Variants in ATXN1 observed in about 807,000 individuals in gnomAD.
ATXN1 encodes ataxin-1.
Under a neutral mutation model 56.4 loss-of-function variants are expected in ATXN1, and 8 were observed. The ratio of observed to expected loss-of-function variants is 0.14; its 90% CI spans 0.08 to 0.26. ATXN1 has a LOEUF of 0.26. ATXN1 is among the 10% of genes least tolerant of loss of function. The pLI, the probability that ATXN1 is intolerant of heterozygous loss-of-function variation, is 1.00. For synonymous variants in ATXN1, 514 were observed against 494.6 expected (o/e 1.04, Z -0.52); for missense variants, 987 against 1,106.5 (o/e 0.89, Z 1.53).
intron 3 of ATXN1, among the ~76,000 whole-genome samples, chr6:16,625,090 C>T (rs1431240620): frequency 6.6e-6 from 1 of 152,204 alleles, no homozygotes; most frequent in East Asian, 1.9e-4. Flanking sequence ...TGATGCCATC[C>T]TTATGCCTAG....
At chr6:16,499,800 G>C (rs113704812) in intron 5 of ATXN1, among the ~76,000 whole-genome samples, 2 of 152,344 alleles carry the variant, frequency 1.3e-5, no homozygotes, top group Admixed American at 6.5e-5. Flanking sequence ...GTAGGTTGTA[G>C]AATTCTGGCT....
At chr6:16,411,260 T>TCAA (rs1758793768) in intron 6 of ATXN1, among the ~76,000 whole-genome samples, 2 of 151,980 alleles carry the variant, frequency 1.3e-5, no homozygotes, top group Admixed American at 6.6e-5. Context: ...TTATGCATAA[T>TCAA]TAATAATAAT....
chr6:16,458,003 C>A (rs1049255094), intron 6 of ATXN1, among the ~76,000 whole-genome samples: 1 of 152,178 alleles, frequency 6.6e-6, no homozygotes, highest in Non-Finnish European at 1.5e-5. Context: ...TATAGATGTC[C>A]TACAGGGTCC....
In ATXN1 at chr6:16,430,957, T is replaced by C. The variant is rs180869174; in HGVS notation, c.-161+55015A>G. Among the ~76,000 whole-genome samples the C allele has an allele frequency of 2.2e-3, 342 of 152,268 alleles. 1 individual carries two copies. Among genetic ancestry groups the C allele is most frequent in the Admixed American group, 5.8e-3 (88 of 15,290 alleles). Reference sequence around the variant, plus strand: ...GGGAGAAATGTGAATGCATTTGAGATTTTTTTGTTGTTCTTTCTTGGCAGT... The same window carrying C: ...GGGAGAAATGTGAATGCATTTGAGACTTTTTTGTTGTTCTTTCTTGGCAGT... On this transcript the variant is annotated intron_variant, in intron 6 of 7. Transcript: ENST00000436367.
intron 6 of ATXN1, among the ~76,000 whole-genome samples, chr6:16,377,585 A>T (rs367736318): frequency 2.6e-5 from 4 of 152,078 alleles, no homozygotes; most frequent in African/African-American, 9.7e-5. Context: ...AGAAACCATC[A>T]CAGCTCACTG....
intron 7 of ATXN1, among the ~76,000 whole-genome samples, chr6:16,320,557 A>G (rs913363339): frequency 6.6e-6 from 1 of 152,242 alleles, no homozygotes; most frequent in Non-Finnish European, 1.5e-5. Context: ...GAACCTAGGA[A>G]GGGTGAGACA....
chr6:16,505,366 G>C (rs1760964092), intron 5 of ATXN1, among the ~76,000 whole-genome samples: 1 of 152,166 alleles, frequency 6.6e-6, no homozygotes, highest in Non-Finnish European at 1.5e-5. Context: ...CCCTTATTAG[G>C]TGGGCTCAGG....
intron 2 of ATXN1, among the ~76,000 whole-genome samples, chr6:16,658,928 T>C (rs370989154): frequency 6.6e-6 from 1 of 152,220 alleles, no homozygotes; most frequent in East Asian, 1.9e-4. Context: ...AGTGACCAAG[T>C]TGTAAGAAAG....
Position 16,591,574 on chromosome 6 carries a change from T to G in ATXN1, c.-488-5667A>C, listed in dbSNP as rs185964619. ...ATGTCCTCATTCATTCAAGCATTGC[T>G]CTTCCTTTAAGATTCAGCTCGATGT... is the stretch of plus-strand genomic sequence containing the variant. On this transcript the variant is annotated intron_variant, in intron 3 of 7. Coordinates refer to ENST00000436367, the MANE Select transcript of ATXN1 (RefSeq NM_001128164.2). 2.6e-3 allele frequency among the ~76,000 whole-genome samples: 398 copies of G among 152,310 alleles called. 1 individual carries two copies. Among genetic ancestry groups the G allele is most frequent in the Admixed American group, 7.0e-3 (107 of 15,296 alleles).
intron 6 of ATXN1, among the ~76,000 whole-genome samples, chr6:16,429,871 G>A (rs1239928395): frequency 2.0e-5 from 3 of 152,182 alleles, no homozygotes; most frequent in African/African-American, 7.2e-5. Flanking sequence ...TGAAGATCAC[G>A]TGGTGACTGT....
At chr6:16,634,629 A>G (rs1232735113) in intron 3 of ATXN1, among the ~76,000 whole-genome samples, 1 of 152,078 alleles carries the variant, frequency 6.6e-6, no homozygotes, top group African/African-American at 2.4e-5. Flanking sequence ...TTCTGTCTCT[A>G]TGGATTTGTC....
chr6:16,676,371 T>C (rs989132261), intron 2 of ATXN1, among the ~76,000 whole-genome samples: 2 of 152,212 alleles, frequency 1.3e-5, no homozygotes, highest in African/African-American at 4.8e-5. Context: ...ATAAAATCAA[T>C]GTACAAAGTA....
At chr6:16,571,248 C>CA (rs149685469) in intron 4 of ATXN1, among the ~76,000 whole-genome samples, 4,155 of 152,178 alleles carry the variant, frequency 0.027, 167 homozygotes, top group African/African-American at 0.093. Context: ...TGTGGAAAGA[C>CA]AAAGTATTTT....
At chr6:16,502,913 A>C (rs1402004644) in intron 5 of ATXN1, among the ~76,000 whole-genome samples, 1 of 152,210 alleles carries the variant, frequency 6.6e-6, no homozygotes, top group Non-Finnish European at 1.5e-5. Context: ...TTGAATGCTT[A>C]GTATGTGCAA....
chr6:16,424,702 T>C lies in ATXN1; in HGVS notation c.-161+61270A>G, dbSNP rs150613381. Among the ~76,000 whole-genome samples, 65 of 152,260 alleles carry C rather than the reference T, an allele frequency of 4.3e-4. No homozygotes were observed. The East Asian group carries it at 4.4e-3, about 10-fold the overall frequency. ...ACTGGCCTGGCTTTGAAAGAGAGGA[T>C]CAGCTGGGATCTCTGAATAGATGAG... On this transcript the variant is annotated intron_variant, in intron 6 of 7. Transcript: ENST00000436367.
intron 5 of ATXN1, among the ~76,000 whole-genome samples, chr6:16,488,670 T>C (rs886269301): frequency 1.3e-5 from 2 of 152,226 alleles, no homozygotes; most frequent in African/African-American, 4.8e-5. Flanking sequence ...AACAGGCTCA[T>C]TCATGTTCTC....
intron 4 of ATXN1, among the ~76,000 whole-genome samples, chr6:16,541,472 C>A (rs973932472): frequency 6.6e-6 from 1 of 152,178 alleles, no homozygotes; most frequent in African/African-American, 2.4e-5. Context: ...GGGCTGATCA[C>A]TGGAAACAGG....
Position 16,306,513 on chromosome 6 carries a change from G to T in ATXN1, c.2264C>A (p.Ala755Glu). Reference protein sequence around the residue: ...KFPEKMGLPAAPFLTKIEPSK... With the variant: ...KFPEKMGLPAEPFLTKIEPSK... The stretch of plus-strand genomic sequence containing the variant: ...GGGTTCTATTTTGGTGAGGAAGGGC[G>T]CTGCAGGCAATCCCATTTTCTCTGG... The change falls in exon 8 of 8, where the codon GCG (alanine) becomes GAG (glutamate). Residue 755 changes from alanine to glutamate, a missense_variant. By Grantham distance (107) the Ala-to-Glu change is moderately radical. Around this residue, in one of 3 missense-constraint regions of ATXN1, gnomAD observed 196 missense variants for 196.7 expected, o/e 1.00. Coordinates refer to ENST00000436367, the MANE Select transcript of ATXN1 (RefSeq NM_001128164.2). The surrounding 1 kb of genome is among the most constrained non-coding windows in gnomAD (Gnocchi z 5.2). 1 of 1,614,168 alleles carries T rather than the reference G, an allele frequency of 6.2e-7. No homozygotes were observed. Among genetic ancestry groups the T allele is most frequent in the Non-Finnish European group, 8.5e-7 (1 of 1,180,028 alleles).
At chr6:16,618,763 A>AG (rs1763266524) in intron 3 of ATXN1, among the ~76,000 whole-genome samples, 1 of 152,050 alleles carries the variant, frequency 6.6e-6, no homozygotes, top group East Asian at 1.9e-4. Flanking sequence ...GAAAAAAAAA[A>AG]AGCAAAACAC....
Sources: gnomAD v4.1 joint callset for allele counts (sites outside exome capture counted in the v4.1 genomes callset) on GRCh38, gnomAD v4.1.1 for gene constraint, gnomAD v4.1.1 regional missense constraint, Gnocchi (gnomAD v3.1) non-coding constraint, MANE v1.5 for transcripts, NCBI Gene and HGNC (gene_info 2026-07-23, HGNC 2026-07-21) for gene names.